Variants in SAP30L observed in about 807,000 individuals in gnomAD.
The protein encoded by SAP30L is SAP30 like.
A neutral mutation model predicts 22.3 loss-of-function variants in SAP30L; 10 were observed. The ratio of observed to expected loss-of-function variants is 0.45; its 90% confidence interval spans 0.28 to 0.76. The LOEUF (loss-of-function observed/expected upper bound fraction) is 0.76, where lower values mean the gene tolerates loss of function less well. Among genes scored for constraint, SAP30L ranks in the 30% least tolerant of loss-of-function variants. The pLI, the probability that SAP30L is intolerant of heterozygous loss-of-function variation, is 0.14. For synonymous variants in SAP30L, 91 were observed against 94.1 expected, an observed-to-expected ratio of 0.97 and a Z score of 0.19; for missense variants, 206 against 237.9, an observed-to-expected ratio of 0.87 and a Z score of 0.88.
At position 154,458,639 on chromosome 5, in the gene SAP30L, G is replaced by T. The variant is rs1243603635; in HGVS notation, c.*2611G>T. 2.0e-5 allele frequency: 3 copies of T among 152,194 alleles called. No homozygotes were observed. Among genetic ancestry groups the T allele is most frequent in the Non-Finnish European group, 4.4e-5 (3 of 68,058 alleles). The allele number at this position is 152,194 out of a possible 1,614,324, so 9.4% of individuals were successfully genotyped here. Reference sequence around the variant, plus strand: ...AAACTGGAATTTGAAATCCAGAACTGGCGTTGTCTTCTTAAAGAGTATGGT... The same window carrying T: ...AAACTGGAATTTGAAATCCAGAACTTGCGTTGTCTTCTTAAAGAGTATGGT... On this transcript the variant is annotated 3_prime_UTR_variant, in exon 4 of 4. Transcript: ENST00000297109.
At position 154,456,095 on chromosome 5, in the gene SAP30L, A is replaced by G; in HGVS notation, c.*67A>G. The G allele has an allele frequency of 6.6e-7, 1 of 1,515,406 alleles. No homozygotes were observed. Among genetic ancestry groups the G allele is most frequent in the Non-Finnish European group, 8.9e-7 (1 of 1,119,718 alleles). The allele number at this position is 1,515,406 out of a possible 1,614,324, so 93.9% of individuals were successfully genotyped here. A position where few individuals can be genotyped will look rare whatever the true frequency, so the allele number is the denominator to read the frequency against. On this transcript the variant is annotated 3_prime_UTR_variant, in exon 4 of 4. Coordinates refer to ENST00000297109, the MANE Select transcript of SAP30L (RefSeq NM_024632.6). ...GCACAGGTGATATCTACTACATTTA[A>G]GCCCATAAAGACTGTTAAATATTAT...
rs945765707 is a variant in SAP30L, at chr5:154,460,463, A to G, written c.*4435A>G. ...GAACCGAAGGGCAGATGAGCTCAAG[A>G]TCATGCCTTGGGAAGCATGGTGCTC... is the stretch of plus-strand genomic sequence containing the variant. On this transcript the variant is annotated 3_prime_UTR_variant, in exon 4 of 4. Transcript: ENST00000297109. The G allele has an allele frequency of 1.3e-5, 2 of 152,216 alleles. No individual in the cohort carries two copies. The highest frequency in any genetic ancestry group is 2.9e-5 in the Non-Finnish European group (2 of 68,048). 9.4% of individuals were successfully genotyped at this position (152,216 alleles called of 1,614,324 possible).
chr5:154,453,570 C>A, intron 3 of SAP30L, 70 bp downstream of exon 3: 1 of 1,039,248 alleles, frequency 9.6e-7, no homozygotes. Flanking sequence ...CCTGATTCTC[C>A]CTTACCTTGT....
chr5:154,453,295 CT>C (rs1421178538), intron 2 of SAP30L, 106 bp from the exon 3 acceptor site: 19 of 750,850 alleles, frequency 2.5e-5, no homozygotes, highest in Non-Finnish European at 3.4e-5. Flanking sequence ...TTTTGAAGCC[CT>C]CCCCATCCTC....
At chr5:154,454,327 A>G (rs1367167791) in intron 3 of SAP30L, among the ~76,000 whole-genome samples, 4 of 152,134 alleles carry the variant, frequency 2.6e-5, no homozygotes, top group Non-Finnish European at 1.5e-5. Context: ...TCCACTGGCC[A>G]TTTTTAAAAT....
chr5:154,446,600 G>C lies in SAP30L; in HGVS notation c.-5G>C. On this transcript the variant is annotated 5_prime_UTR_variant, in exon 1 of 4. Coordinates refer to ENST00000297109, the MANE Select transcript of SAP30L (RefSeq NM_024632.6). Reference sequence around the variant, plus strand: ...CCCCCAGAGGGACCGGCCCGGGGCGGGGAGATGAACGGCTTCAGCACGGAG... The same window carrying C: ...CCCCCAGAGGGACCGGCCCGGGGCGCGGAGATGAACGGCTTCAGCACGGAG... 1 of 1,474,976 alleles carries C rather than the reference G, an allele frequency of 6.8e-7. No individual in the cohort carries two copies. Among genetic ancestry groups the C allele is most frequent in the Non-Finnish European group, 8.9e-7 (1 of 1,117,342 alleles). 91.4% of individuals were successfully genotyped at this position (1,474,976 alleles called of 1,614,324 possible). A position where few individuals can be genotyped will look rare whatever the true frequency, so the allele number is the denominator to read the frequency against.
chr5:154,447,839 C>T (rs1393058486), intron 1 of SAP30L, among the ~76,000 whole-genome samples: 1 of 152,026 alleles, frequency 6.6e-6, no homozygotes, highest in African/African-American at 2.4e-5. Flanking sequence ...CACACAGCAC[C>T]TAAGAGGCTG....
At chr5:154,448,101 G>C (rs577117364) in intron 1 of SAP30L, among the ~76,000 whole-genome samples, 2 of 150,402 alleles carry the variant, frequency 1.3e-5, no homozygotes, top group East Asian at 4.0e-4. Context: ...TCAGCCTCCT[G>C]AATAGCTGGG....
At chr5:154,452,035 A>G (rs1220350179) in intron 2 of SAP30L, among the ~76,000 whole-genome samples, 1 of 152,186 alleles carries the variant, frequency 6.6e-6, no homozygotes, top group Non-Finnish European at 1.5e-5. Flanking sequence ...TCAGGAAGGA[A>G]TATTGGATTT....
intron 3 of SAP30L, among the ~76,000 whole-genome samples, 182 bp from the exon 4 acceptor site, chr5:154,455,718 C>G (rs1757249152): frequency 6.6e-6 from 1 of 152,166 alleles, no homozygotes; most frequent in Non-Finnish European, 1.5e-5. Flanking sequence ...ATTAAACCAC[C>G]TACATCCCTG....
At chr5:154,455,622 T>A (rs978032123) in intron 3 of SAP30L, among the ~76,000 whole-genome samples, 3 of 152,204 alleles carry the variant, frequency 2.0e-5, no homozygotes, top group Admixed American at 2.0e-4. Flanking sequence ...TGTGAAATCA[T>A]GCCATGACAG....
At chr5:154,450,358 A>C (rs1441167696) in intron 1 of SAP30L, among the ~76,000 whole-genome samples, 2 of 152,224 alleles carry the variant, frequency 1.3e-5, no homozygotes, top group African/African-American at 4.8e-5. Context: ...AAGAATTATA[A>C]ATTGACACAT....
chr5:154,451,300 A>G (rs1299209338), intron 2 of SAP30L, 87 bp downstream of exon 2: 20 of 1,413,130 alleles, frequency 1.4e-5, no homozygotes, highest in Middle Eastern at 1.9e-4. Context: ...TTTTTGTGTT[A>G]AGAAGTAATT....
At position 154,446,647 on chromosome 5, in the gene SAP30L, C is replaced by A; in HGVS notation, c.43C>A (p.Pro15Thr). 1.3e-6 allele frequency: 2 copies of A among 1,535,672 alleles called. No individual in the cohort carries two copies. Among genetic ancestry groups the A allele is most frequent in the Non-Finnish European group, 1.7e-6 (2 of 1,143,992 alleles). Residue 15 changes from proline to threonine, a missense_variant, in exon 1 of 4, where the codon CCC becomes ACC. By Grantham distance (38) the Pro-to-Thr change is conservative. Coordinates refer to ENST00000297109, the MANE Select transcript of SAP30L (RefSeq NM_024632.6). ...STEEDSREGPPAAPAAAAPGY... is the reference protein window; with the variant it reads ...STEEDSREGPTAAPAAAAPGY... ...GGAGGAGGACAGCCGCGAAGGGCCC[C>A]CCGCCGCCCCAGCTGCCGCCGCCCC...
At position 154,451,113 on chromosome 5, in the gene SAP30L, A is replaced by AT; in HGVS notation, c.228dup (p.His77SerfsTer11). The AT allele has an allele frequency of 1.2e-6, 2 of 1,614,112 alleles. No individual in the cohort carries two copies. The highest frequency in any genetic ancestry group is 1.7e-6 in the Non-Finnish European group (2 of 1,180,010). On this transcript the variant is annotated frameshift_variant, in exon 2 of 4. Transcript: ENST00000297109. LOFTEE classifies it high-confidence loss of function. ...CAGGTAAGGCACCTATATATCTGTGATTTTCACAAAAATTTCATCCAGAGT... is the reference window on the plus strand; with the variant it reads ...CAGGTAAGGCACCTATATATCTGTGATTTTTCACAAAAATTTCATCCAGAGT...
intron 3 of SAP30L, among the ~76,000 whole-genome samples, chr5:154,455,460 T>C (rs1757244057): frequency 6.6e-6 from 1 of 152,184 alleles, no homozygotes; most frequent in African/African-American, 2.4e-5. Context: ...CCTCCCACCT[T>C]AACCTCCCAA....
intron 1 of SAP30L, among the ~76,000 whole-genome samples, chr5:154,450,654 G>A (rs1757118981): frequency 6.6e-6 from 1 of 152,072 alleles, no homozygotes; most frequent in Non-Finnish European, 1.5e-5. Context: ...TCCTACATGG[G>A]CAGCCATCAT....
chr5:154,456,096 GC>G lies in SAP30L; in HGVS notation c.*71del. On this transcript the variant is annotated 3_prime_UTR_variant, in exon 4 of 4. Transcript: ENST00000297109. ...CACAGGTGATATCTACTACATTTAA[GC>G]CCATAAAGACTGTTAAATATTATTG... The G allele has an allele frequency of 6.6e-7, 1 of 1,510,608 alleles. No homozygotes were observed. The highest frequency in any genetic ancestry group is 9.0e-7 in the Non-Finnish European group (1 of 1,116,384). 93.6% of individuals were successfully genotyped at this position (1,510,608 alleles called of 1,614,324 possible). A position where few individuals can be genotyped will look rare whatever the true frequency, so the allele number is the denominator to read the frequency against.
chr5:154,455,752 T>G, intron 3 of SAP30L, 148 bp from the exon 4 acceptor site: 1 of 1,031,860 alleles, frequency 9.7e-7, no homozygotes, highest in Non-Finnish European at 1.4e-6. Flanking sequence ...AAGGGCACTC[T>G]GAGTTCCGCA....
Sources: allele counts gnomAD v4.1 joint callset (sites outside exome capture counted in the v4.1 genomes callset), GRCh38; gene constraint gnomAD v4.1.1; transcripts MANE v1.5; gene names NCBI Gene and HGNC (gene_info 2026-07-23, HGNC 2026-07-21).